Variants in SERPINA12 observed in about 807,000 individuals in gnomAD.
SERPINA12 encodes the protein serpin family A member 12.
In SERPINA12, 21 loss-of-function variants were observed where a neutral mutation model predicts 25.9. The observed-to-expected ratio is 0.81, with a 90% CI of 0.58 to 1.17. SERPINA12 has a LOEUF of 1.17. Ranked by LOEUF, SERPINA12 falls within the 50% of genes most tolerant of loss-of-function variation. SERPINA12 has a pLI of 0.00. For missense variants in SERPINA12, 562 were observed against 508.3 expected (o/e 1.11, Z -1.02); for synonymous variants, 220 against 196.0 (o/e 1.12, Z -1.02).
upstream of SERPINA12, chr14:94,511,661 C>A: frequency 3.0e-6 from 3 of 985,454 alleles, no homozygotes; most frequent in Non-Finnish European, 3.6e-6. Flanking sequence ...CCTCTCTCAC[C>A]TGCCTTTCCC....
intron 1 of SERPINA12, among the ~76,000 whole-genome samples, chr14:94,506,783 G>A (rs1455168971): frequency 6.6e-6 from 1 of 152,164 alleles, no homozygotes; most frequent in Non-Finnish European, 1.5e-5. Flanking sequence ...CTGGGTGAGG[G>A]TGCCTTTAAG....
Position 94,500,877 on chromosome 14 carries a change from A to T in SERPINA12, c.-33-2447T>A, listed in dbSNP as rs1375238371. ...AACATCCTCACAAATACGGGCAGAT[A>T]CATATTTTTTAAAACGCCAGGACTA... is the stretch of plus-strand genomic sequence containing the variant. On this transcript the variant is annotated intron_variant, in intron 1 of 4. Coordinates refer to ENST00000677451, the MANE Select transcript of SERPINA12 (RefSeq NM_001382267.1). 5.1e-6 allele frequency: 5 copies of T among 985,236 alleles called. No individual in the cohort carries two copies. The African/African-American group carries it at 8.7e-5, about 17-fold the overall frequency. The allele number at this position is 985,236 out of a possible 1,614,324, so 61.0% of individuals were successfully genotyped here.
chr14:94,498,401 C>A lies in SERPINA12; in HGVS notation c.-4G>T. ...CCAGGCCTAGTGTGGGGTTCATTTT[C>A]CTTGAAGAATATCCTGTTGAGTAGT... On this transcript the variant is annotated 5_prime_UTR_variant, in exon 2 of 5. Transcript: ENST00000677451. The A allele has an allele frequency of 6.2e-7, 1 of 1,611,552 alleles. No individual in the cohort carries two copies. The highest frequency in any genetic ancestry group is 8.5e-7 in the Non-Finnish European group (1 of 1,178,740).
In SERPINA12 at chr14:94,489,547, A is replaced by G. The variant is rs1261782976; in HGVS notation, c.1053+73T>C. ...AGTCTCGGCTCTGACAGCCACTGTG[A>G]CCCTGGCTCTGGCCCCGGCTGGGGG... On this transcript the variant is annotated intron_variant, in intron 4 of 4. Coordinates refer to ENST00000677451, the MANE Select transcript of SERPINA12 (RefSeq NM_001382267.1). The G allele has an allele frequency of 1.4e-5, 22 of 1,538,174 alleles. No individual in the cohort carries two copies. The South Asian group carries it at 1.9e-4, about 13-fold the overall frequency.
intron 1 of SERPINA12, among the ~76,000 whole-genome samples, chr14:94,498,790 T>C (rs1433633078): frequency 6.6e-6 from 1 of 152,188 alleles, no homozygotes; most frequent in African/African-American, 2.4e-5. Flanking sequence ...CTTCATTCCT[T>C]TGCCACACTG....
chr14:94,512,209 A>G (rs1901128975), upstream of SERPINA12, among the ~76,000 whole-genome samples: 1 of 152,188 alleles, frequency 6.6e-6, no homozygotes, highest in African/African-American at 2.4e-5. Context: ...AAAAAGCCGC[A>G]GCTCCATCCC....
upstream of SERPINA12, among the ~76,000 whole-genome samples, chr14:94,514,142 C>T (rs923874238): frequency 1.4e-4 from 22 of 152,248 alleles, no homozygotes; most frequent in Non-Finnish European, 2.4e-4. Context: ...GACTGTGCCG[C>T]TTAGGTACTC....
At chr14:94,489,908 G>A in intron 3 of SERPINA12, 141 bp from the exon 4 acceptor site, 1 of 819,650 alleles carries the variant, frequency 1.2e-6, no homozygotes, top group East Asian at 2.6e-5. Flanking sequence ...ATGAGGAGGG[G>A]CTCCTTAACC....
At position 94,489,762 on chromosome 14, in the gene SERPINA12, A is replaced by G. The variant is rs750845420; in HGVS notation, c.911T>C (p.Val304Ala). The part of the protein sequence containing the change: ...RWKTLLSRRV[V>A]DVSVPRLHMT... ...GTGGAGTCTGGGTACAGACACGTCTACGACCCTGGGGAATTGACACGACAA... is the reference window on the plus strand; with the variant it reads ...GTGGAGTCTGGGTACAGACACGTCTGCGACCCTGGGGAATTGACACGACAA... The change falls in exon 4 of 5, where the codon GTA (valine) becomes GCA (alanine). Residue 304 changes from valine to alanine, a missense_variant. Val to Ala is a moderately conservative substitution (Grantham distance 64). Transcript: ENST00000677451. The G allele has an allele frequency of 7.4e-6, 12 of 1,614,020 alleles. No individual in the cohort carries two copies. In the Admixed American group the frequency reaches 1.5e-4, roughly 20 times the overall value.
intron 1 of SERPINA12, among the ~76,000 whole-genome samples, chr14:94,502,645 T>C (rs1419889186): frequency 6.6e-6 from 1 of 152,322 alleles, no homozygotes; most frequent in South Asian, 2.1e-4. Context: ...CCTCTCCTGA[T>C]AGTTGACCAC....
At chr14:94,511,420 G>GA (rs568491529), upstream of SERPINA12, 18 of 984,916 alleles carry the variant, frequency 1.8e-5, no homozygotes, top group South Asian at 4.7e-5. Flanking sequence ...TATAAAAGCA[G>GA]AAAAAAAATA....
At chr14:94,512,658 C>T (rs954355973), upstream of SERPINA12, among the ~76,000 whole-genome samples, 6 of 152,184 alleles carry the variant, frequency 3.9e-5, no homozygotes, top group Admixed American at 3.9e-4. Context: ...ACAATTCTTG[C>T]CTCTCAAATG....
chr14:94,511,303 C>T (rs1190674365), upstream of SERPINA12: 2 of 558,040 alleles, frequency 3.6e-6, no homozygotes, highest in African/African-American at 2.1e-5. Context: ...TGTGAGGGAC[C>T]ATTGTCACAC....
chr14:94,511,904 C>T (rs577017262), upstream of SERPINA12, among the ~76,000 whole-genome samples: 1 of 152,084 alleles, frequency 6.6e-6, no homozygotes. Flanking sequence ...TTGAGACCAG[C>T]CTGGCCAATA....
chr14:94,517,504 C>G (rs972953096), exon 1 of SERPINA12: 1 of 152,178 alleles, frequency 6.6e-6, no homozygotes, highest in African/African-American at 2.4e-5. Flanking sequence ...CACCATCGTC[C>G]CAGTGTGTCT....
intron 2 of SERPINA12, 39 bp downstream of exon 2, chr14:94,497,725 C>A (rs765463955): frequency 1.8e-5 from 28 of 1,548,378 alleles, no homozygotes; most frequent in South Asian, 2.6e-5. Context: ...GTCTAGTGGT[C>A]ATCCTATTCT....
chr14:94,510,569 A>T (rs1326368123), upstream of SERPINA12, among the ~76,000 whole-genome samples: 1 of 152,264 alleles, frequency 6.6e-6, no homozygotes, highest in Admixed American at 6.5e-5. Flanking sequence ...AGGAACTAAA[A>T]GGAGAGCTAC....
At chr14:94,508,476 G>A (rs576030410) in intron 1 of SERPINA12, among the ~76,000 whole-genome samples, 2 of 151,950 alleles carry the variant, frequency 1.3e-5, no homozygotes, top group Admixed American at 1.3e-4. Flanking sequence ...TTCGAGAAAA[G>A]GTGAACAATT....
intron 3 of SERPINA12, among the ~76,000 whole-genome samples, chr14:94,495,064 C>CTTTTTTTTTT (rs71129685): frequency 1.0e-5 from 1 of 98,224 alleles, no homozygotes; most frequent in Non-Finnish European, 2.1e-5. Context: ...ATTTCCCTTT[C>CTTTTTTTTTT]TTTTTTTTTT....
Sources: allele counts gnomAD v4.1 joint callset (sites outside exome capture counted in the v4.1 genomes callset), GRCh38; gene constraint gnomAD v4.1.1; transcripts MANE v1.5; gene names NCBI Gene and HGNC (gene_info 2026-07-23, HGNC 2026-07-21).